The following TUBGCP5 variants were observed in gnomAD, a reference collection of about 807,000 sequenced individuals.
The protein encoded by TUBGCP5 is gamma-tubulin complex component 5.
A neutral mutation model predicts 134.7 loss-of-function variants in TUBGCP5; 98 were observed. That is an observed-to-expected ratio of 0.73 (90% CI 0.62 to 0.86). The LOEUF (loss-of-function observed/expected upper bound fraction) is 0.86, where lower values mean the gene tolerates loss of function less well. Among genes scored for constraint, TUBGCP5 ranks in the 40% least tolerant of loss-of-function variants. TUBGCP5 has a pLI of 0.00. For synonymous variants in TUBGCP5, 456 were observed against 431.4 expected (o/e 1.06, Z -0.71); for missense variants, 1,150 against 1,244.8 (o/e 0.92, Z 1.15).
At chr15:23,019,191 A>C in intron 12 of TUBGCP5, 28 bp downstream of exon 12, 1 of 1,535,642 alleles carries the variant, frequency 6.5e-7, no homozygotes, top group East Asian at 2.3e-5. Context: ...GCCAGCCCCC[A>C]GTGACCTTGT....
Position 23,032,765 on chromosome 15 carries a change from G to T in TUBGCP5, c.369C>A (p.Asn123Lys), listed in dbSNP as rs905860571. The change falls in exon 4 of 23, where the codon AAC becomes AAA. Residue 123 changes from asparagine to lysine, a missense_variant. Transcript: ENST00000615383. ...TTCTTGGTGTCTCCACATAACTGCT[G>T]TTTGAAGGAGAGTCTGACAGACACA... ...LLLCLSDSPS[N>K]SSYVETPRNK... 1.3e-6 allele frequency: 2 copies of T among 1,596,710 alleles called. No homozygotes were observed. Among genetic ancestry groups the T allele is most frequent in the Non-Finnish European group, 1.7e-6 (2 of 1,173,670 alleles).
In TUBGCP5 at chr15:23,005,464, C is replaced by T. The variant is rs147846294; in HGVS notation, c.2680G>A (p.Val894Met). Residue 894 changes from valine (V) to methionine (M), a missense_variant, in exon 19 of 23, where the codon GTG becomes ATG. Val to Met is a conservative substitution (Grantham distance 21). Transcript: ENST00000615383. ...FLLRVKLMHF[V>M]NSLHNYIMTR... ...ATGATGTAGTTGTGCAAGCTGTTCACGAAATGCATGAGCTTCACTCTTAAG... is the reference window on the plus strand; with the variant it reads ...ATGATGTAGTTGTGCAAGCTGTTCATGAAATGCATGAGCTTCACTCTTAAG... The T allele has an allele frequency of 2.5e-5, 41 of 1,613,970 alleles. No individual in the cohort carries two copies. Among genetic ancestry groups the T allele is most frequent in the South Asian group, 1.5e-4 (14 of 91,080 alleles).
At chr15:23,014,558 A>C (rs963847313) in intron 13 of TUBGCP5, among the ~76,000 whole-genome samples, 87 of 151,940 alleles carry the variant, frequency 5.7e-4, no homozygotes, top group Non-Finnish European at 2.9e-5. Context: ...CCTTCCACCC[A>C]CATGCTGGGC....
chr15:23,002,202 C>T (rs916729650), intron 21 of TUBGCP5, among the ~76,000 whole-genome samples: 7 of 151,764 alleles, frequency 4.6e-5, no homozygotes, highest in African/African-American at 1.5e-4. Context: ...CAATATAAAG[C>T]GAGGAAGACT....
chr15:22,986,667 G>A (rs1445885647), intron 23 of TUBGCP5, among the ~76,000 whole-genome samples: 1 of 151,978 alleles, frequency 6.6e-6, no homozygotes, highest in Non-Finnish European at 1.5e-5. Context: ...GAACCCAGGA[G>A]GTGGAGGCTG....
chr15:23,012,001 T>C (rs868628868), intron 13 of TUBGCP5, among the ~76,000 whole-genome samples: 15 of 150,998 alleles, frequency 9.9e-5, no homozygotes, highest in African/African-American at 3.6e-4. Flanking sequence ...CCCAAGCTAC[T>C]TGGGAGGCTG....
chr15:22,995,195 G>T (rs1312692712), downstream of TUBGCP5, among the ~76,000 whole-genome samples: 1 of 151,878 alleles, frequency 6.6e-6, no homozygotes, highest in Admixed American at 6.6e-5. Flanking sequence ...GGTGAGCTGA[G>T]ATCACACCAT....
chr15:23,004,040 A>C, intron 20 of TUBGCP5, 62 bp downstream of exon 20: 1 of 1,525,744 alleles, frequency 6.6e-7, no homozygotes, highest in South Asian at 1.3e-5. Flanking sequence ...TAAAATTCCA[A>C]AGCACGCAGA....
intron 21 of TUBGCP5, among the ~76,000 whole-genome samples, chr15:23,002,446 A>C (rs562030494): frequency 3.3e-5 from 5 of 152,322 alleles, no homozygotes; most frequent in Non-Finnish European, 7.3e-5. Flanking sequence ...TGAGCTGTAC[A>C]CTGGAGTTAA....
rs762338302 is a variant in TUBGCP5, at chr15:23,000,647, C to T, written c.2950G>A (p.Glu984Lys). 1.2e-6 allele frequency: 2 copies of T among 1,605,546 alleles called. No homozygotes were observed. The highest frequency in any genetic ancestry group is 1.7e-5 in the Admixed American group (1 of 59,566). The part of the protein sequence containing the change: ...TWRMESIEKM[E>K]SDFKNCHMFL... ...ATATGGCAGTTTTTAAAATCAGATTCCATTTTCTCTATAGATTCCATTCTA... is the reference window on the plus strand; with the variant it reads ...ATATGGCAGTTTTTAAAATCAGATTTCATTTTCTCTATAGATTCCATTCTA... Residue 984 changes from glutamate to lysine, a missense_variant, in exon 22 of 23, where the codon GAA becomes AAA. Glu to Lys is a moderately conservative substitution (Grantham distance 56). Around this residue, in one of 2 missense-constraint regions of TUBGCP5, gnomAD observed 697 missense variants for 850.1 expected, o/e 0.82. Transcript: ENST00000615383.
At chr15:23,026,602 T>C (rs1466932089) in intron 7 of TUBGCP5, among the ~76,000 whole-genome samples, 2 of 152,272 alleles carry the variant, frequency 1.3e-5, no homozygotes, top group African/African-American at 4.8e-5. Flanking sequence ...AATTTAATGA[T>C]TTTCAATAAC....
chr15:23,015,096 T>C (rs984197667), intron 13 of TUBGCP5, among the ~76,000 whole-genome samples: 1 of 152,098 alleles, frequency 6.6e-6, no homozygotes, highest in Non-Finnish European at 1.5e-5. Flanking sequence ...TGTTTGTTTT[T>C]TGTTTTGGGA....
Position 23,008,749 on chromosome 15 carries a change from A to G in TUBGCP5, c.2277T>C (p.Asn759=), listed in dbSNP as rs181614580. 14 of 1,607,772 alleles carry G rather than the reference A, an allele frequency of 8.7e-6. No homozygotes were observed. The highest frequency in any genetic ancestry group is 4.0e-5 in the African/African-American group (3 of 74,440). The part of the protein sequence containing the change: ...KETWQNVSFL[N]VQLQEAVGQR... ...GTCCTACTGCTTCTTGGAGTTGGACATTAAGAAAAGACACATTCTGCCATG... is the reference window on the plus strand; with the variant it reads ...GTCCTACTGCTTCTTGGAGTTGGACGTTAAGAAAAGACACATTCTGCCATG... Residue 759 remains asparagine, a synonymous_variant, in exon 16 of 23, where the codon AAT becomes AAC. Transcript: ENST00000615383.
intron 23 of TUBGCP5, among the ~76,000 whole-genome samples, chr15:22,993,980 A>T (rs979186277): frequency 2.0e-5 from 3 of 149,088 alleles, no homozygotes; most frequent in African/African-American, 7.4e-5. Flanking sequence ...TGAGCTTCTG[A>T]TGTCAAAAAG....
At position 23,003,100 on chromosome 15, in the gene TUBGCP5, A is replaced by C; in HGVS notation, c.2892T>G (p.Phe964Leu). ...IMKVLNLALM[F>L]ADGWQAGLGT... ...CCAGGCCTGCCTGCCAACCGTCTGC[A>C]AACATGAGAGCCAAGTTCAACACCT... is the stretch of plus-strand genomic sequence containing the variant. Residue 964 changes from phenylalanine to leucine, a missense_variant, in exon 21 of 23, where the codon TTT (phenylalanine) becomes TTG (leucine). This residue lies in a region of TUBGCP5 where 697 missense variants were observed against 850.1 expected (regional missense o/e 0.82). Coordinates refer to ENST00000615383, the MANE Select transcript of TUBGCP5 (RefSeq NM_052903.6). 6.2e-7 allele frequency: 1 copy of C among 1,614,214 alleles called. No homozygotes were observed.
At chr15:23,008,174 A>AT (rs2064832848) in intron 16 of TUBGCP5, among the ~76,000 whole-genome samples, 1 of 152,122 alleles carries the variant, frequency 6.6e-6, no homozygotes. Context: ...AAGTGCTAGG[A>AT]TTACTGGCAT....
At chr15:23,000,450 T>C in intron 22 of TUBGCP5, 119 bp downstream of exon 22, 1 of 1,492,528 alleles carries the variant, frequency 6.7e-7, no homozygotes, top group Non-Finnish European at 8.9e-7. Flanking sequence ...AAGGGACTTT[T>C]CAGTTTTGAA....
chr15:23,003,020 G>A (rs2064480407), intron 21 of TUBGCP5, 45 bp downstream of exon 21: 2 of 1,591,890 alleles, frequency 1.3e-6, no homozygotes, highest in African/African-American at 1.3e-5. Flanking sequence ...GGAAGCTGAA[G>A]CTGAAATGGT....
Position 23,009,213 on chromosome 15 carries a change from C to A in TUBGCP5, c.2145-332G>T, listed in dbSNP as rs79728610. On this transcript the variant is annotated intron_variant, in intron 15 of 22. Coordinates refer to ENST00000615383, the MANE Select transcript of TUBGCP5 (RefSeq NM_052903.6). ...GAATGTTTCTTTCCTGTCTTCTCTT[C>A]TATGTGTTAAGAAAACCTAGTTCCT... Among the ~76,000 whole-genome samples, 1,071 of 151,816 alleles carry A rather than the reference C, an allele frequency of 7.1e-3. 12 individuals are homozygous for A. The highest frequency in any genetic ancestry group is 0.024 in the African/African-American group (1,012 of 41,434).
Sources: allele counts gnomAD v4.1 joint callset (sites outside exome capture counted in the v4.1 genomes callset), GRCh38; gene constraint gnomAD v4.1.1; regional missense constraint gnomAD v4.1.1; transcripts MANE v1.5; gene names NCBI Gene and HGNC (gene_info 2026-07-23, HGNC 2026-07-21).